Variants in FOXP2 observed in about 807,000 individuals in gnomAD.
FOXP2 encodes the protein forkhead box P2, also known as forkhead box protein P2.
A neutral mutation model predicts 115.8 loss-of-function variants in FOXP2; 12 were observed. The observed-to-expected ratio is 0.10, with a 90% CI of 0.07 to 0.17. The LOEUF (loss-of-function observed/expected upper bound fraction) is 0.17. Among genes scored for constraint, FOXP2 ranks in the 10% least tolerant of loss-of-function variants. The pLI is 1.00. For synonymous variants in FOXP2, 328 were observed against 297.7 expected, an observed-to-expected ratio of 1.10 and a Z score of -1.05; for missense variants, 629 against 843.5, an observed-to-expected ratio of 0.75 and a Z score of 3.15.
At chr7:114,161,943 T>A (rs1792850482), upstream of FOXP2, among the ~76,000 whole-genome samples, 1 of 152,006 alleles carries the variant, frequency 6.6e-6, no homozygotes, top group Non-Finnish European at 1.5e-5. Flanking sequence ...TCACCATGCC[T>A]GGCTAATTTT....
chr7:114,619,579 T>C (rs1278162279), intron 3 of FOXP2, among the ~76,000 whole-genome samples: 1 of 152,104 alleles, frequency 6.6e-6, no homozygotes, highest in African/African-American at 2.4e-5. Context: ...AAAATGTTGC[T>C]AGGTTTTTTT....
chr7:114,126,353 T>C (rs1349389), intron 1 of FOXP2, among the ~76,000 whole-genome samples: 119,128 of 152,030 alleles, frequency 0.78, 48,777 homozygotes, highest in Non-Finnish European at 0.91. Context: ...TGTATGTGTG[T>C]GTATGTGTCA....
intron 2 of FOXP2, among the ~76,000 whole-genome samples, chr7:114,315,476 A>G (rs1229905199): frequency 1.3e-5 from 2 of 152,126 alleles, no homozygotes; most frequent in Non-Finnish European, 2.9e-5. Context: ...ATGAATGTAA[A>G]TGTTGACCAT....
intron 1 of FOXP2, among the ~76,000 whole-genome samples, chr7:114,421,213 C>A (rs1364734280): frequency 2.2e-4 from 34 of 151,444 alleles, no homozygotes; most frequent in Admixed American, 2.1e-3. Context: ...ATAATATTTT[C>A]ATAATTAAAT....
chr7:114,426,143 G>A (rs1793835354), intron 1 of FOXP2, among the ~76,000 whole-genome samples: 1 of 151,538 alleles, frequency 6.6e-6, no homozygotes, highest in South Asian at 2.1e-4. Context: ...GGTTGTCAAA[G>A]GTAGATAATA....
Position 114,690,758 on chromosome 7 carries a change from A to C in FOXP2, c.*832A>C, listed in dbSNP as rs769641895. On this transcript the variant is annotated 3_prime_UTR_variant, in exon 17 of 17. Transcript: ENST00000350908. The stretch of plus-strand genomic sequence containing the variant: ...AGGCTACAGCTGCAAACCAAAGCCA[A>C]CTCTAACCATGGCCAAGAGCTCAAG... 1.2e-4 allele frequency: 54 copies of C among 454,344 alleles called. No individual in the cohort carries two copies. The highest frequency in any genetic ancestry group is 2.2e-5 in the Non-Finnish European group (5 of 226,790). 28.1% of individuals were successfully genotyped at this position (454,344 alleles called of 1,614,324 possible).
chr7:114,396,640 G>A (rs1314339096), intron 2 of FOXP2, among the ~76,000 whole-genome samples: 1 of 151,952 alleles, frequency 6.6e-6, no homozygotes, highest in South Asian at 2.1e-4. Flanking sequence ...GAAGTATAGA[G>A]TAGAATGATG....
chr7:114,265,231 C>G (rs1467392930), intron 1 of FOXP2, among the ~76,000 whole-genome samples: 1 of 152,154 alleles, frequency 6.6e-6, no homozygotes, highest in Non-Finnish European at 1.5e-5. Context: ...TGATTTACTT[C>G]CAAGATACAA....
intron 3 of FOXP2, among the ~76,000 whole-genome samples, chr7:114,549,620 G>A (rs1800101563): frequency 6.6e-6 from 1 of 152,102 alleles, no homozygotes; most frequent in Non-Finnish European, 1.5e-5. Flanking sequence ...TCATTGGTTT[G>A]GCCCTGAGAT....
In FOXP2 at chr7:114,189,300, T is replaced by G. The variant is rs935443658; in HGVS notation, c.-102+26212T>G. 3.9e-5 allele frequency among the ~76,000 whole-genome samples: 6 copies of G among 152,334 alleles called. No individual in the cohort carries two copies. In the East Asian group the frequency reaches 1.2e-3, roughly 29 times the overall value. On this transcript the variant is annotated intron_variant, in intron 1 of 17. Transcript: ENST00000634411. ...GTATAGAAAGTTATCTCTCAAAACT[T>G]AAATATTTCTGATCCTGTTAGAGTA...
At chr7:114,294,411 G>T (rs780354752) in intron 2 of FOXP2, among the ~76,000 whole-genome samples, 15 of 152,096 alleles carry the variant, frequency 9.9e-5, no homozygotes, top group Non-Finnish European at 2.1e-4. Flanking sequence ...TCACACGGAA[G>T]TATCTAGATA....
chr7:114,541,038 T>G (rs1016079568), intron 3 of FOXP2, among the ~76,000 whole-genome samples: 1 of 152,030 alleles, frequency 6.6e-6, no homozygotes, highest in Non-Finnish European at 1.5e-5. Context: ...TTGGAGGATA[T>G]TTTCAGGGAA....
chr7:114,145,763 T>C (rs1039601719), intron 1 of FOXP2, among the ~76,000 whole-genome samples: 51 of 152,270 alleles, frequency 3.3e-4, no homozygotes, highest in African/African-American at 1.2e-3. Context: ...TGCAATTCTA[T>C]AGAGAGACAA....
intron 2 of FOXP2, among the ~76,000 whole-genome samples, chr7:114,428,642 G>T (rs975824946): frequency 6.6e-6 from 1 of 151,206 alleles, no homozygotes; most frequent in Non-Finnish European, 1.5e-5. Flanking sequence ...CCTTCCCTTG[G>T]TTATGTTTTA....
chr7:114,646,735 T>C (rs910709109), intron 8 of FOXP2, among the ~76,000 whole-genome samples: 1 of 152,052 alleles, frequency 6.6e-6, no homozygotes. Context: ...CGATTAGATA[T>C]ACTTTCTGTA....
chr7:114,444,178 T>C (rs889328663), intron 2 of FOXP2, among the ~76,000 whole-genome samples: 4 of 152,302 alleles, frequency 2.6e-5, no homozygotes, highest in African/African-American at 9.6e-5. Flanking sequence ...GATCACTGTA[T>C]GTATAATAGA....
chr7:114,412,313 T>C (rs1793184234), upstream of FOXP2, among the ~76,000 whole-genome samples: 1 of 152,158 alleles, frequency 6.6e-6, no homozygotes, highest in African/African-American at 2.4e-5. Flanking sequence ...TAGTCTTTTA[T>C]GTTAAGCAAA....
chr7:114,680,415 G>A (rs922378273), intron 16 of FOXP2, among the ~76,000 whole-genome samples: 1 of 152,132 alleles, frequency 6.6e-6, no homozygotes. Context: ...TGTTACTTCA[G>A]TGCCCCCTTA....
At chr7:114,479,715 C>A (rs540979277) in intron 2 of FOXP2, among the ~76,000 whole-genome samples, 3 of 151,496 alleles carry the variant, frequency 2.0e-5, no homozygotes, top group African/African-American at 7.2e-5. Flanking sequence ...AAACACAAAT[C>A]TGTACACATG....
Sources: allele counts gnomAD v4.1 joint callset (sites outside exome capture counted in the v4.1 genomes callset), GRCh38; gene constraint gnomAD v4.1.1; transcripts MANE v1.5; gene names NCBI Gene and HGNC (gene_info 2026-07-23, HGNC 2026-07-21).